Variants in ALMS1 observed in about 807,000 individuals in gnomAD.
ALMS1 encodes the protein ALMS1 centrosome and basal body associated protein, also known as centrosome-associated protein ALMS1.
Under a neutral mutation model 352.2 loss-of-function variants are expected in ALMS1, and 271 were observed. The observed-to-expected ratio is 0.77, with a 90% CI of 0.70 to 0.85. The LOEUF is 0.85. Ranked by LOEUF, ALMS1 falls within the 40% of genes least tolerant of loss-of-function variation. The pLI, the probability that ALMS1 is intolerant of heterozygous loss-of-function variation, is 0.00. For missense variants in ALMS1, 5,445 were observed against 4,870.7 expected, an observed-to-expected ratio of 1.12 and a Z score of -3.51; for synonymous variants, 1,865 against 1,761.2, an observed-to-expected ratio of 1.06 and a Z score of -1.48.
At chr2:73,554,702 C>T (rs1674507649) in intron 13 of ALMS1, among the ~76,000 whole-genome samples, 1 of 152,076 alleles carries the variant, frequency 6.6e-6, no homozygotes, top group Admixed American at 6.5e-5. Context: ...TATTTAAAAT[C>T]AGGTGTTACC....
intron 15 of ALMS1, among the ~76,000 whole-genome samples, chr2:73,562,264 C>G (rs995638566): frequency 2.6e-5 from 4 of 152,026 alleles, no homozygotes; most frequent in Non-Finnish European, 5.9e-5. Context: ...CTCCTGGGCT[C>G]AAGTGATCTT....
intron 12 of ALMS1, among the ~76,000 whole-genome samples, chr2:73,549,087 T>C (rs1674377116): frequency 1.3e-5 from 2 of 152,158 alleles, no homozygotes; most frequent in South Asian, 4.1e-4. Context: ...CAGCTCTTAT[T>C]GCCATATACA....
In ALMS1 at chr2:73,451,122, G is replaced by A; in HGVS notation, c.4595G>A (p.Ser1532Asn). Residue 1532 changes from serine (S) to asparagine (N), a missense_variant, in exon 8 of 23, where the codon AGT becomes AAT. By Grantham distance (46) the Ser-to-Asn change is conservative. Coordinates refer to ENST00000613296, the MANE Select transcript of ALMS1 (RefSeq NM_001378454.1). ...SYSQHRAKSG[S>N]FYQLALLGSQ... ...TCACAACATAGAGCAAAGTCTGGCA[G>A]TTTCTACCAACTGGCATTGCTAGGT... 1 of 1,613,620 alleles carries A rather than the reference G, an allele frequency of 6.2e-7. No individual in the cohort carries two copies. The highest frequency in any genetic ancestry group is 8.5e-7 in the Non-Finnish European group (1 of 1,179,900).
chr2:73,536,754 A>G (rs1441353735), intron 12 of ALMS1, among the ~76,000 whole-genome samples: 1 of 152,208 alleles, frequency 6.6e-6, no homozygotes, highest in Non-Finnish European at 1.5e-5. Flanking sequence ...TGATGCAAAC[A>G]ACGACGGCAA....
In ALMS1 at chr2:73,557,646, C is replaced by T. The variant is rs17848867; in HGVS notation, c.10213+292C>T. On this transcript the variant is annotated intron_variant, in intron 14 of 22. Coordinates refer to ENST00000613296, the MANE Select transcript of ALMS1 (RefSeq NM_001378454.1). ...ATTCATTTAATGGACTTTTTACCTC[C>T]GCTGATAAAATCTCTCAATTCTGTG... Among the ~76,000 whole-genome samples the T allele has an allele frequency of 0.023, 3,529 of 152,148 alleles. 134 individuals are homozygous for T. Among genetic ancestry groups the T allele is most frequent in the Admixed American group, 0.089 (1,357 of 15,288 alleles).
At chr2:73,510,437 C>T (rs1673424797) in intron 10 of ALMS1, among the ~76,000 whole-genome samples, 1 of 152,152 alleles carries the variant, frequency 6.6e-6, no homozygotes, top group Admixed American at 6.5e-5. Context: ...CTTTTGCTTT[C>T]TGTTTGTTAG....
At chr2:73,519,478 T>A (rs544651034) in intron 10 of ALMS1, among the ~76,000 whole-genome samples, 1 of 152,282 alleles carries the variant, frequency 6.6e-6, no homozygotes, top group African/African-American at 2.4e-5. Context: ...ATCTAGTAAT[T>A]TAAAAAAATG....
chr2:73,449,158 T>C lies in ALMS1; in HGVS notation c.2631T>C (p.Asn877=). The change falls in exon 8 of 23, where the codon AAT becomes AAC. Residue 877 remains asparagine, a synonymous_variant. Transcript: ENST00000613296. The part of the protein sequence containing the change: ...PSAFYQQTLP[N]SHLTEEALKV... ...CTTTCTATCAGCAGACCTTACCCAA[T>C]AGTCATCTAACTGAAGAGGCTCTGA... is the stretch of plus-strand genomic sequence containing the variant. The C allele has an allele frequency of 1.2e-5, 19 of 1,613,818 alleles. No individual in the cohort carries two copies. The highest frequency in any genetic ancestry group is 1.5e-5 in the Non-Finnish European group (18 of 1,179,926).
At chr2:73,419,339 C>G (rs764542707) in intron 3 of ALMS1, 21 bp downstream of exon 3, 1 of 1,606,754 alleles carries the variant, frequency 6.2e-7, no homozygotes, top group South Asian at 1.1e-5. Flanking sequence ...TTTATTTTAA[C>G]TAGTAGTAAT....
At chr2:73,553,318 A>C (rs1162686003) in intron 13 of ALMS1, among the ~76,000 whole-genome samples, 2 of 152,194 alleles carry the variant, frequency 1.3e-5, no homozygotes, top group Non-Finnish European at 2.9e-5. Flanking sequence ...AAGAAAGAAA[A>C]CATGGTGGGA....
At chr2:73,608,871 T>C (rs1324940908) in intron 22 of ALMS1, among the ~76,000 whole-genome samples, 1 of 152,238 alleles carries the variant, frequency 6.6e-6, no homozygotes, top group Non-Finnish European at 1.5e-5. Flanking sequence ...ACCAGAATTA[T>C]CAGGTTTCCA....
intron 9 of ALMS1, among the ~76,000 whole-genome samples, chr2:73,482,252 A>T (rs1328593373): frequency 6.6e-6 from 1 of 152,240 alleles, no homozygotes; most frequent in Non-Finnish European, 1.5e-5. Flanking sequence ...AATACGTCCC[A>T]TCAATACCTA....
intron 12 of ALMS1, among the ~76,000 whole-genome samples, chr2:73,542,700 A>G (rs183037046): frequency 6.6e-6 from 1 of 152,332 alleles, no homozygotes. Flanking sequence ...AAAAATCACA[A>G]GCATTCCTAT....
intron 9 of ALMS1, among the ~76,000 whole-genome samples, chr2:73,487,094 G>C (rs972657701): frequency 2.6e-5 from 4 of 152,182 alleles, no homozygotes; most frequent in African/African-American, 9.7e-5. Context: ...AGGATCCTCA[G>C]GGTGTCAGTT....
intron 9 of ALMS1, among the ~76,000 whole-genome samples, chr2:73,465,507 A>C (rs1424810020): frequency 3.9e-5 from 6 of 152,252 alleles, no homozygotes; most frequent in Admixed American, 3.3e-4. Flanking sequence ...TTAAAGACTT[A>C]CATGTTAGTC....
chr2:73,555,188 A>G (rs1235714580), intron 13 of ALMS1, among the ~76,000 whole-genome samples: 1 of 152,222 alleles, frequency 6.6e-6, no homozygotes, highest in Non-Finnish European at 1.5e-5. Context: ...AAAGAATAAG[A>G]TAAGGGATCT....
chr2:73,540,061 C>T (rs1415061056), intron 12 of ALMS1, among the ~76,000 whole-genome samples: 3 of 152,114 alleles, frequency 2.0e-5, no homozygotes, highest in Non-Finnish European at 4.4e-5. Context: ...CTCCAAGACA[C>T]ATAATTGTCA....
chr2:73,421,451 GTT>G (rs1287128979), intron 3 of ALMS1, among the ~76,000 whole-genome samples: 1 of 152,164 alleles, frequency 6.6e-6, no homozygotes, highest in African/African-American at 2.4e-5. Flanking sequence ...GTGAAGGACT[GTT>G]ACGGAGGTTT....
chr2:73,589,948 G>A (rs1675390291), intron 16 of ALMS1, among the ~76,000 whole-genome samples: 1 of 152,122 alleles, frequency 6.6e-6, no homozygotes, highest in South Asian at 2.1e-4. Flanking sequence ...CCTACCTGCA[G>A]TGCATGAAAA....
Sources: gnomAD v4.1 joint callset for allele counts (sites outside exome capture counted in the v4.1 genomes callset) on GRCh38, gnomAD v4.1.1 for gene constraint, MANE v1.5 for transcripts, NCBI Gene and HGNC (gene_info 2026-07-23, HGNC 2026-07-21) for gene names.